Variants in DNAH7 observed in about 807,000 individuals in gnomAD.
The protein encoded by DNAH7 is axonemal beta dynein heavy chain 7.
In DNAH7, 397 loss-of-function variants were observed where a neutral mutation model predicts 444.6. The observed-to-expected ratio is 0.89, with a 90% confidence interval of 0.82 to 0.97. DNAH7 has a LOEUF of 0.97. Among genes scored for constraint, DNAH7 ranks in the 50% least tolerant of loss-of-function variants. The pLI is 0.00. For synonymous variants in DNAH7, 1,636 were observed against 1,624.4 expected (o/e 1.01, Z -0.17); for missense variants, 4,902 against 4,800.8 (o/e 1.02, Z -0.62).
chr2:195,981,875 T>A (rs1692597638), intron 15 of DNAH7, among the ~76,000 whole-genome samples: 1 of 152,142 alleles, frequency 6.6e-6, no homozygotes, highest in South Asian at 2.1e-4. Flanking sequence ...AAGGAAACAT[T>A]GGAGAAACTT....
rs748954474 is a variant in DNAH7, at chr2:195,875,724, G to A, written c.6237C>T (p.Ser2079=). 1.9e-6 allele frequency: 3 copies of A among 1,610,468 alleles called. No individual in the cohort carries two copies. The highest frequency in any genetic ancestry group is 2.5e-6 in the Non-Finnish European group (3 of 1,178,762). The change falls in exon 38 of 65, where the codon TCC becomes TCT. Residue 2079 remains serine, a synonymous_variant. Coordinates refer to ENST00000312428, the MANE Select transcript of DNAH7 (RefSeq NM_018897.3). ...HWNWYDLKDC[S]MIKLVDIQIM... is the part of the protein sequence containing the mutation. ...TCTGAATGTCCACTAGTTTAATCAT[G>A]GAACAATCTTTTAGATCATACCAGT... is the stretch of plus-strand genomic sequence containing the variant.
chr2:196,068,664 G>A (rs1184319043), intron 1 of DNAH7, 33 bp downstream of exon 1: 9 of 1,550,150 alleles, frequency 5.8e-6, no homozygotes, highest in Admixed American at 2.0e-5. Context: ...GCGTCGCGGC[G>A]GCGGCGAGCC....
At chr2:195,885,930 G>A (rs1033423320) in intron 34 of DNAH7, among the ~76,000 whole-genome samples, 13 of 152,274 alleles carry the variant, frequency 8.5e-5, no homozygotes, top group African/African-American at 2.9e-4. Context: ...GGCTCCGCCC[G>A]AACCTCATGA....
At chr2:196,022,658 G>C (rs1253696375) in intron 8 of DNAH7, among the ~76,000 whole-genome samples, 1 of 152,170 alleles carries the variant, frequency 6.6e-6, no homozygotes, top group Non-Finnish European at 1.5e-5. Context: ...CAACACATCT[G>C]CAGTGACTTC....
chr2:196,003,003 C>T (rs1305608800), intron 10 of DNAH7, among the ~76,000 whole-genome samples: 2 of 148,350 alleles, frequency 1.3e-5, no homozygotes, highest in South Asian at 2.1e-4. Flanking sequence ...AGTGAAACTC[C>T]GTCTCAAAAA....
chr2:195,993,559 G>C (rs997456036), intron 12 of DNAH7, among the ~76,000 whole-genome samples: 1 of 152,178 alleles, frequency 6.6e-6, no homozygotes, highest in Non-Finnish European at 1.5e-5. Context: ...CAACAGCTTA[G>C]AGTGGCAGAA....
intron 41 of DNAH7, 134 bp downstream of exon 41, chr2:195,864,015 G>T: frequency 1.3e-6 from 1 of 773,978 alleles, no homozygotes. Flanking sequence ...AATTTCATAA[G>T]ATATAACTGA....
chr2:195,963,103 G>C (rs775421949), intron 17 of DNAH7, among the ~76,000 whole-genome samples: 6 of 152,142 alleles, frequency 3.9e-5, no homozygotes, highest in Non-Finnish European at 8.8e-5. Context: ...TTGATATCTT[G>C]ACTTCCTTTC....
chr2:196,006,572 A>G (rs551810516), intron 10 of DNAH7, among the ~76,000 whole-genome samples: 1 of 152,216 alleles, frequency 6.6e-6, no homozygotes, highest in South Asian at 2.1e-4. Context: ...GGAAAAAAAA[A>G]AAAACATATC....
intron 15 of DNAH7, among the ~76,000 whole-genome samples, chr2:195,983,099 T>C (rs1462865554): frequency 6.6e-6 from 1 of 152,104 alleles, no homozygotes; most frequent in Non-Finnish European, 1.5e-5. Flanking sequence ...CCCATAAATA[T>C]ATGCACCTGC....
intron 57 of DNAH7, among the ~76,000 whole-genome samples, chr2:195,792,802 A>C (rs1336655870): frequency 4.7e-5 from 7 of 149,134 alleles, no homozygotes; most frequent in Admixed American, 4.7e-4. Flanking sequence ...GGGGCAGGGG[A>C]GGGATGGTCA....
chr2:195,891,332 G>A (rs574498879), intron 31 of DNAH7, among the ~76,000 whole-genome samples: 7 of 152,228 alleles, frequency 4.6e-5, no homozygotes, highest in Middle Eastern at 3.4e-3. Flanking sequence ...TACTGAAGAG[G>A]CAAAAGGATC....
At chr2:196,027,486 G>A (rs924946877) in intron 6 of DNAH7, among the ~76,000 whole-genome samples, 20 of 151,698 alleles carry the variant, frequency 1.3e-4, no homozygotes, top group African/African-American at 4.6e-4. Flanking sequence ...TTCAATATAC[G>A]TTCACAAATT....
rs777398820 is a variant in DNAH7, at chr2:195,817,000, G to C, written c.9426-37C>G. On this transcript the variant is annotated intron_variant, in intron 50 of 64. Coordinates refer to ENST00000312428, the MANE Select transcript of DNAH7 (RefSeq NM_018897.3). ...CAAAATTTTCTTAGAAGAAAAAGAAGTCATTTAAAATCATTTCACGTATAT... is the reference window on the plus strand; with the variant it reads ...CAAAATTTTCTTAGAAGAAAAAGAACTCATTTAAAATCATTTCACGTATAT... 2.1e-6 allele frequency: 3 copies of C among 1,460,818 alleles called. No individual in the cohort carries two copies. The East Asian group carries it at 6.9e-5, about 34-fold the overall frequency. The allele number at this position is 1,460,818 out of a possible 1,614,324, so 90.5% of individuals were successfully genotyped here. A position where few individuals can be genotyped will look rare whatever the true frequency, so the allele number is the denominator to read the frequency against.
At chr2:195,781,510 T>C (rs1055079550) in intron 58 of DNAH7, among the ~76,000 whole-genome samples, 6 of 152,298 alleles carry the variant, frequency 3.9e-5, no homozygotes, top group Middle Eastern at 3.4e-3. Context: ...CTAAAGTTTC[T>C]AGAAATAGTG....
intron 21 of DNAH7, among the ~76,000 whole-genome samples, chr2:195,930,677 A>G (rs747320055): frequency 6.6e-6 from 1 of 152,220 alleles, no homozygotes; most frequent in Admixed American, 6.5e-5. Flanking sequence ...ATTACTGAGT[A>G]TATATCCAAA....
intron 58 of DNAH7, among the ~76,000 whole-genome samples, chr2:195,785,010 C>T (rs192939582): frequency 5.3e-4 from 80 of 151,236 alleles, no homozygotes; most frequent in Admixed American, 2.1e-3. Flanking sequence ...CTCCCGGTTT[C>T]ACGCCATTCT....
intron 17 of DNAH7, among the ~76,000 whole-genome samples, chr2:195,961,474 T>C (rs1345798077): frequency 6.6e-6 from 1 of 152,218 alleles, no homozygotes; most frequent in African/African-American, 2.4e-5. Context: ...GATTCCACTA[T>C]AACTGAGATC....
intron 19 of DNAH7, among the ~76,000 whole-genome samples, chr2:195,955,180 C>T (rs1436287424): frequency 6.6e-6 from 1 of 152,158 alleles, no homozygotes; most frequent in Non-Finnish European, 1.5e-5. Flanking sequence ...AGTCTTTAAT[C>T]CATCTTGACT....
Sources: allele counts gnomAD v4.1 joint callset (sites outside exome capture counted in the v4.1 genomes callset), GRCh38; gene constraint gnomAD v4.1.1; transcripts MANE v1.5; gene names NCBI Gene and HGNC (gene_info 2026-07-23, HGNC 2026-07-21).